The following SLFNL1 variants were observed in gnomAD, a reference collection of about 807,000 sequenced individuals.
The protein encoded by SLFNL1 is schlafen like 1.
Under a neutral mutation model 32.5 loss-of-function variants are expected in SLFNL1, and 26 were observed. That is an observed-to-expected ratio of 0.80 (90% CI 0.59 to 1.11). SLFNL1 has a LOEUF of 1.11. Ranked by LOEUF, SLFNL1 falls within the 50% of genes least tolerant of loss-of-function variation. The pLI is 0.00. For synonymous variants in SLFNL1, 255 were observed against 242.2 expected, an observed-to-expected ratio of 1.05 and a Z score of -0.49; for missense variants, 553 against 546.5, an observed-to-expected ratio of 1.01 and a Z score of -0.12.
Position 41,017,948 on chromosome 1 carries a change from C to G in SLFNL1, c.644G>C (p.Gly215Ala), listed in dbSNP as rs769311448. Residue 215 changes from glycine (G) to alanine (A), a missense_variant, in exon 4 of 6, where the codon GGT (glycine) becomes GCT (alanine). By Grantham distance (60) the Gly-to-Ala change is moderately conservative (BLOSUM62 0). Coordinates refer to ENST00000302946, the MANE Select transcript of SLFNL1 (RefSeq NM_144990.4). The surrounding 1 kb of genome is among the most constrained non-coding windows in gnomAD (Gnocchi z 4.9). ...QIVGKDQLFQ[G>A]AFLGSETRNM... ...GCGGGTCTCGCTGCCCAGGAAGGCA[C>G]CCTGGAAGAGCTGGTCCTTGCCCAC... 6.2e-6 allele frequency: 10 copies of G among 1,612,186 alleles called. No individual in the cohort carries two copies. The highest frequency in any genetic ancestry group is 7.6e-6 in the Non-Finnish European group (9 of 1,179,644).
rs41268105 is a variant in SLFNL1 at position 41,018,021 on chromosome 1, G to A, written c.571C>T (p.Arg191Trp). The A allele has an allele frequency of 1.4e-3, 2,238 of 1,600,274 alleles. 1 individual carries two copies. The highest frequency in any genetic ancestry group is 1.8e-3 in the Non-Finnish European group (2,085 of 1,174,374). ...CTGTCGGAGCACACGCCGCTGGGCCGGCCCTGGCAGCTCTGCAGCTGCTGG... is the reference window on the plus strand; with the variant it reads ...CTGTCGGAGCACACGCCGCTGGGCCAGCCCTGGCAGCTCTGCAGCTGCTGG... The part of the protein sequence containing the change: ...QAQQLQSCQG[R>W]PSGVCSDSAI... The change falls in exon 4 of 6, where the codon CGG becomes TGG. Residue 191 changes from arginine to tryptophan, a missense_variant. Physicochemically the swap from Arg to Trp is moderately radical, Grantham distance 101. Coordinates refer to ENST00000302946, the MANE Select transcript of SLFNL1 (RefSeq NM_144990.4).
In SLFNL1 at chr1:41,017,024, A is replaced by G. The variant is rs1643391293; in HGVS notation, c.1101+210T>C. ...CGCCTGGCCACTGCATAGATTTTTA[A>G]AAGGAGAGAGCTTGGGCCTCTTCCT... On this transcript the variant is annotated intron_variant, in intron 5 of 5. Transcript: ENST00000302946. The surrounding 1 kb of genome is among the most constrained non-coding windows in gnomAD (Gnocchi z 4.9). 3.7e-6 allele frequency: 2 copies of G among 542,462 alleles called. No homozygotes were observed. The highest frequency in any genetic ancestry group is 3.4e-5 in the South Asian group (1 of 29,328). The allele number at this position is 542,462 out of a possible 1,614,324, so 33.6% of individuals were successfully genotyped here.
chr1:41,017,480 C>G lies in SLFNL1; in HGVS notation c.958-103G>C, dbSNP rs571734483. 22 of 1,515,864 alleles carry G rather than the reference C, an allele frequency of 1.5e-5. No homozygotes were observed. The South Asian group carries it at 2.8e-4, about 20-fold the overall frequency. The allele number at this position is 1,515,864 out of a possible 1,614,324, so 93.9% of individuals were successfully genotyped here. A position where few individuals can be genotyped will look rare whatever the true frequency, so the allele number is the denominator to read the frequency against. On this transcript the variant is annotated intron_variant, in intron 4 of 5. Coordinates refer to ENST00000302946, the MANE Select transcript of SLFNL1 (RefSeq NM_144990.4). The surrounding 1 kb of genome is among the most constrained non-coding windows in gnomAD (Gnocchi z 4.9). Reference sequence around the variant, plus strand: ...TTGCTCACTGATTCCTTAGGGCAGGCCAGCAGGGCTGGCACAGGGGCCATC... The same window carrying G: ...TTGCTCACTGATTCCTTAGGGCAGGGCAGCAGGGCTGGCACAGGGGCCATC...
Position 41,018,131 on chromosome 1 carries a change from CTG to C in SLFNL1, c.459_460del (p.Asp153GlufsTer25). On this transcript the variant is annotated frameshift_variant, in exon 4 of 6. Transcript: ENST00000302946. LOFTEE classifies it high-confidence loss of function. ...TGGACTGGGGCCAGGGCTCAGGCCACTGTCCTCCTCCTCCTCCTCCTTCTCCT... is the reference window on the plus strand; with the variant it reads ...TGGACTGGGGCCAGGGCTCAGGCCACTCCTCCTCCTCCTCCTCCTTCTCCT... 6.0e-6 allele frequency: 9 copies of C among 1,511,918 alleles called. No homozygotes were observed. The highest frequency in any genetic ancestry group is 8.0e-6 in the Non-Finnish European group (9 of 1,123,508). The allele number at this position is 1,511,918 out of a possible 1,614,324, so 93.7% of individuals were successfully genotyped here. A position where few individuals can be genotyped will look rare whatever the true frequency, so the allele number is the denominator to read the frequency against.
intron 5 of SLFNL1, chr1:41,016,444 C>T (rs1018708375): frequency 2.5e-5 from 16 of 630,138 alleles, no homozygotes; most frequent in Middle Eastern, 9.0e-4. Flanking sequence ...GAGCCTCCTC[C>T]GTGCTGGGCA....
intron 3 of SLFNL1, among the ~76,000 whole-genome samples, chr1:41,019,000 C>T (rs566065038): frequency 1.2e-3 from 180 of 151,980 alleles, no homozygotes; most frequent in African/African-American, 4.1e-3. Flanking sequence ...CCACCACGCC[C>T]GGCTAATTTT....
rs769360660 is a variant in SLFNL1, at chr1:41,021,688, G to C, written c.-191C>G. ...CTGCCCTGAGCTCCCATAGCCTCCCGACCCCTGGCCGGTAGCTCTCAGGGA... is the reference window on the plus strand; with the variant it reads ...CTGCCCTGAGCTCCCATAGCCTCCCCACCCCTGGCCGGTAGCTCTCAGGGA... On this transcript the variant is annotated 5_prime_UTR_variant, in exon 1 of 6. Coordinates refer to ENST00000302946, the MANE Select transcript of SLFNL1 (RefSeq NM_144990.4). 1 of 152,270 alleles carries C rather than the reference G, an allele frequency of 6.6e-6. No individual in the cohort carries two copies. The highest frequency in any genetic ancestry group is 1.5e-5 in the Non-Finnish European group (1 of 68,108). The allele number at this position is 152,270 out of a possible 1,614,324, so 9.4% of individuals were successfully genotyped here. A position where few individuals can be genotyped will look rare whatever the true frequency, so the allele number is the denominator to read the frequency against.
chr1:41,016,909 C>T (rs34447401), intron 5 of SLFNL1: 5,623 of 200,352 alleles, frequency 0.028, 111 homozygotes, highest in Non-Finnish European at 0.038. Flanking sequence ...GAGGGTTCAC[C>T]ATGTTGGCCA....
Position 41,017,513 on chromosome 1 carries a change from T to G in SLFNL1, c.957+122A>C, listed in dbSNP as rs1005078444. 12 of 1,489,400 alleles carry G rather than the reference T, an allele frequency of 8.1e-6. No individual in the cohort carries two copies. The Admixed American group carries it at 1.1e-4, about 14-fold the overall frequency. 92.3% of individuals were successfully genotyped at this position (1,489,400 alleles called of 1,614,324 possible). A position where few individuals can be genotyped will look rare whatever the true frequency, so the allele number is the denominator to read the frequency against. On this transcript the variant is annotated intron_variant, in intron 4 of 5. Transcript: ENST00000302946. This position sits in a 1 kb window ranked among gnomAD's most constrained non-coding sequence, Gnocchi z 4.9. ...GCTGGCACAGGGGCCATCCCCAGCCTCTTCTCCTGTGGCCCCCAGTCCCGT... is the reference window on the plus strand; with the variant it reads ...GCTGGCACAGGGGCCATCCCCAGCCGCTTCTCCTGTGGCCCCCAGTCCCGT...
In SLFNL1 at chr1:41,017,857, G is replaced by A. The variant is rs376140034; in HGVS notation, c.735C>T (p.Arg245=). 1.4e-4 allele frequency: 222 copies of A among 1,605,022 alleles called. No individual in the cohort carries two copies. Among genetic ancestry groups the A allele is most frequent in the Non-Finnish European group, 1.7e-4 (205 of 1,173,590 alleles). The part of the protein sequence containing the change: ...LSLAFKHHVR[R]YVCAFLNSEG... ...CGCTGTTGAGGAAGGCGCACACGTA[G>A]CGCCGCACGTGGTGCTTGAAGGCCA... Residue 245 remains arginine, a synonymous_variant, in exon 4 of 6, where the codon CGC becomes CGT. Transcript: ENST00000302946. This position sits in a 1 kb window ranked among gnomAD's most constrained non-coding sequence, Gnocchi z 4.9.
At chr1:41,018,828 GTTTTTTTTTTTTT>G (rs34061852) in intron 3 of SLFNL1, among the ~76,000 whole-genome samples, 2 of 60,644 alleles carry the variant, frequency 3.3e-5, no homozygotes, top group East Asian at 1.1e-3. Context: ...CAACCCTCCT[GTTTTTTTTTTTTT>G]TTTTTTTTTT....
chr1:41,016,174 C>G lies in SLFNL1; in HGVS notation c.1156G>C (p.Glu386Gln). The change falls in exon 6 of 6, where the codon GAG becomes CAG. Residue 386 changes from glutamate (E) to glutamine (Q), a missense_variant. Coordinates refer to ENST00000302946, the MANE Select transcript of SLFNL1 (RefSeq NM_144990.4). Reference sequence around the variant, plus strand: ...AGCTGCTGCTGGAGCTGCTCCTTCTCCATCATCAGCGCCTTCATCTTCTCT... The same window carrying G: ...AGCTGCTGCTGGAGCTGCTCCTTCTGCATCATCAGCGCCTTCATCTTCTCT... ...LEEKMKALMM[E>Q]KEQLQQQLQQ... The G allele has an allele frequency of 6.2e-7, 1 of 1,614,172 alleles. No homozygotes were observed. The highest frequency in any genetic ancestry group is 8.5e-7 in the Non-Finnish European group (1 of 1,180,014).
Position 41,017,643 on chromosome 1 carries a change from G to A in SLFNL1, c.949C>T (p.Pro317Ser), listed in dbSNP as rs112014176. The change falls in exon 4 of 6, where the codon CCC becomes TCC. Residue 317 changes from proline (P) to serine (S), a missense_variant. By Grantham distance (74) the Pro-to-Ser change is moderately conservative. Transcript: ENST00000302946. The surrounding 1 kb of genome is among the most constrained non-coding windows in gnomAD (Gnocchi z 4.9). ...CTGTCCTGCAGGCTCACCTTGAGGGGGACGCTGGTCTCCGAGGTACTGATC... is the reference window on the plus strand; with the variant it reads ...CTGTCCTGCAGGCTCACCTTGAGGGAGACGCTGGTCTCCGAGGTACTGATC... ...PVISTSETSV[P>S]LKVIRLTVHT... is the part of the protein sequence containing the mutation. The A allele has an allele frequency of 6.5e-7, 1 of 1,527,224 alleles. No homozygotes were observed. The allele number at this position is 1,527,224 out of a possible 1,614,324, so 94.6% of individuals were successfully genotyped here.
rs1389863195 is a variant in SLFNL1, at chr1:41,018,044, T to C, written c.548A>G (p.Gln183Arg). ...THTLPDRPQA[Q>R]QLQSCQGRPS... ...CCGGCCCTGGCAGCTCTGCAGCTGCTGGGCCTGGGGCCTATCAGGCAGCGT... is the reference window on the plus strand; with the variant it reads ...CCGGCCCTGGCAGCTCTGCAGCTGCCGGGCCTGGGGCCTATCAGGCAGCGT... Residue 183 changes from glutamine (Q) to arginine (R), a missense_variant, in exon 4 of 6, where the codon CAG (glutamine) becomes CGG (arginine). By Grantham distance (43) the Gln-to-Arg change is conservative (BLOSUM62 1). Transcript: ENST00000302946. 6.3e-7 allele frequency: 1 copy of C among 1,594,066 alleles called. No individual in the cohort carries two copies. Among genetic ancestry groups the C allele is most frequent in the African/African-American group, 1.3e-5 (1 of 74,516 alleles).
rs758963656 is a variant in SLFNL1 at position 41,020,511 on chromosome 1, A to G, written c.150T>C (p.Tyr50=). The change falls in exon 3 of 6, where the codon TAT becomes TAC. Residue 50 remains tyrosine, a synonymous_variant. Transcript: ENST00000302946. ...LEEAPSAHTL[Y]VGHLNPQFSV... is the part of the protein sequence containing the mutation. ...AGAACTGGGGGTTCAGATGGCCCAC[A>G]TAGAGAGTGTGCGCCGAGGGAGCCT... is the stretch of plus-strand genomic sequence containing the variant. The G allele has an allele frequency of 1.2e-6, 2 of 1,613,474 alleles. No individual in the cohort carries two copies. The highest frequency in any genetic ancestry group is 2.2e-5 in the East Asian group (1 of 44,876).
At chr1:41,018,700 C>T (rs1643557870) in intron 3 of SLFNL1, among the ~76,000 whole-genome samples, 2 of 152,130 alleles carry the variant, frequency 1.3e-5, no homozygotes, top group African/African-American at 4.8e-5. Context: ...AATCTCCTTT[C>T]ATGGTTTGGG....
chr1:41,018,799 C>T (rs1160254102), intron 3 of SLFNL1, among the ~76,000 whole-genome samples: 1 of 150,462 alleles, frequency 6.6e-6, no homozygotes, highest in Non-Finnish European at 1.5e-5. Flanking sequence ...TCCCTGCTTC[C>T]AGGCTCACCC....
At position 41,017,728 on chromosome 1, in the gene SLFNL1, G is replaced by A. The variant is rs886324277; in HGVS notation, c.864C>T (p.Ile288=). ...AGATCTGAGGCTTGAAGCCCTGCAG[G>A]ATGGAGTCCACCAGCAGGCGTGCGC... ...EDRARLLVDS[I]LQGFKPQIFP... The change falls in exon 4 of 6, where the codon ATC becomes ATT. Residue 288 remains isoleucine (I), a synonymous_variant. Coordinates refer to ENST00000302946, the MANE Select transcript of SLFNL1 (RefSeq NM_144990.4). The surrounding 1 kb of genome is among the most constrained non-coding windows in gnomAD (Gnocchi z 4.9). 1 of 1,604,810 alleles carries A rather than the reference G, an allele frequency of 6.2e-7. No homozygotes were observed. The highest frequency in any genetic ancestry group is 1.1e-5 in the South Asian group (1 of 89,986).
chr1:41,020,382 A>G lies in SLFNL1; in HGVS notation c.279T>C (p.Tyr93=), dbSNP rs1319101752. The G allele has an allele frequency of 6.2e-7, 1 of 1,613,204 alleles. No individual in the cohort carries two copies. Among genetic ancestry groups the G allele is most frequent in the Non-Finnish European group, 8.5e-7 (1 of 1,180,036 alleles). ...TGTGGACAGTCACCTGCACCAGTGC[A>G]TAGGCCTTCCGCGGCCGCCTCACCA... ...IEVVRRPRKA[Y]ALVQVTVHRD... The change falls in exon 3 of 6, where the codon TAT becomes TAC. Residue 93 remains tyrosine, a synonymous_variant. Transcript: ENST00000302946.
Sources: allele counts gnomAD v4.1 joint callset (sites outside exome capture counted in the v4.1 genomes callset), GRCh38; gene constraint gnomAD v4.1.1; non-coding constraint Gnocchi (gnomAD v3.1); transcripts MANE v1.5; gene names NCBI Gene and HGNC (gene_info 2026-07-23, HGNC 2026-07-21).